The following ANK3 variants were observed in gnomAD, a reference collection of about 807,000 sequenced individuals.
ANK3 encodes ankyrin 3, also known as ankyrin-3.
In ANK3, 57 loss-of-function variants were observed where a neutral mutation model predicts 370.9. The observed-to-expected ratio is 0.15, with a 90% CI of 0.12 to 0.19. The LOEUF is 0.19. Ranked by LOEUF, ANK3 falls within the 10% of genes least tolerant of loss-of-function variation. ANK3 has a pLI of 1.00. For synonymous variants in ANK3, 1,929 were observed against 1,946.3 expected (o/e 0.99, Z 0.23); for missense variants, 4,439 against 5,302.1 (o/e 0.84, Z 5.06).
At chr10:60,689,073 A>G (rs80331624) in intron 1 of ANK3, among the ~76,000 whole-genome samples, 1,643 of 152,362 alleles carry the variant, frequency 0.011, 28 homozygotes, top group African/African-American at 0.037. Context: ...GAAACAAATA[A>G]AATGTTTGTC....
At chr10:60,158,685 C>CTTTTCTTTTTTTT (rs1555028776) in intron 23 of ANK3, among the ~76,000 whole-genome samples, 5 of 132,754 alleles carry the variant, frequency 3.8e-5, no homozygotes, top group Admixed American at 2.4e-4. Flanking sequence ...CACTTTTTTT[C>CTTTTCTTTTTTTT]TTTTTTTTGA....
chr10:60,520,990 C>T (rs2076333880), intron 2 of ANK3, among the ~76,000 whole-genome samples: 2 of 151,742 alleles, frequency 1.3e-5, no homozygotes, highest in Non-Finnish European at 2.9e-5. Context: ...ATCTTGAGTA[C>T]TGTTTCAGCA....
At chr10:60,352,441 C>T (rs1325305057) in intron 1 of ANK3, among the ~76,000 whole-genome samples, 1 of 152,170 alleles carries the variant, frequency 6.6e-6, no homozygotes, top group African/African-American at 2.4e-5. Context: ...ATGGGACTGG[C>T]TAAAGTAAGA....
At chr10:60,601,415 CTTG>C (rs1418383297) in intron 2 of ANK3, among the ~76,000 whole-genome samples, 2 of 152,020 alleles carry the variant, frequency 1.3e-5, no homozygotes, top group African/African-American at 4.8e-5. Context: ...AGCAGATAAT[CTTG>C]TTATTAGTGA....
At chr10:60,288,810 T>C (rs1443730731) in intron 1 of ANK3, among the ~76,000 whole-genome samples, 1 of 151,698 alleles carries the variant, frequency 6.6e-6, no homozygotes, top group Non-Finnish European at 1.5e-5. Context: ...CAGATTTGAG[T>C]GTGGGAGAAA....
chr10:60,635,886 A>T (rs2078548618), intron 1 of ANK3, among the ~76,000 whole-genome samples: 2 of 152,178 alleles, frequency 1.3e-5, no homozygotes, highest in South Asian at 4.1e-4. Flanking sequence ...GGATGTCCAC[A>T]AGCAGGACAA....
Position 60,222,422 on chromosome 10 carries a change from T to TTA in ANK3, c.898-8913_898-8912insTA, listed in dbSNP as rs1555163075. ...TTTAATGATTCACACTTAATTCAGT[T>TTA]AAAAAAAAAAAAAAGAGGAGGAAAA... On this transcript the variant is annotated intron_variant, in intron 8 of 43. Transcript: ENST00000280772. Among the ~76,000 whole-genome samples, 13 of 144,840 alleles carry TTA rather than the reference T, an allele frequency of 9.0e-5. No homozygotes were observed. The East Asian group carries it at 1.6e-3, about 18-fold the overall frequency.
intron 1 of ANK3, among the ~76,000 whole-genome samples, chr10:60,645,094 G>C (rs2078693148): frequency 6.6e-6 from 1 of 151,996 alleles, no homozygotes; most frequent in African/African-American, 2.4e-5. Flanking sequence ...GGAAATGTGG[G>C]TTAGGATGTA....
At chr10:60,392,264 T>G (rs7082025), upstream of ANK3, among the ~76,000 whole-genome samples, 14,437 of 152,248 alleles carry the variant, frequency 0.095, 835 homozygotes, top group South Asian at 0.15. Context: ...ATAGCTGAAA[T>G]GAAAACATTA....
At chr10:60,112,693 A>G (rs978520991) in intron 26 of ANK3, among the ~76,000 whole-genome samples, 7 of 152,214 alleles carry the variant, frequency 4.6e-5, no homozygotes, top group African/African-American at 1.7e-4. Flanking sequence ...GTATCATTAT[A>G]AGGTTCAAGT....
intron 2 of ANK3, among the ~76,000 whole-genome samples, chr10:60,499,628 G>T (rs2075746796): frequency 6.6e-6 from 1 of 152,158 alleles, no homozygotes; most frequent in South Asian, 2.1e-4. Flanking sequence ...TAACATGGGT[G>T]CATCTTCCCA....
intron 2 of ANK3, among the ~76,000 whole-genome samples, chr10:60,512,673 G>A (rs879644834): frequency 1.3e-5 from 2 of 151,992 alleles, no homozygotes; most frequent in Non-Finnish European, 2.9e-5. Flanking sequence ...ATGGCAATCT[G>A]GAAAAATTGT....
intron 2 of ANK3, among the ~76,000 whole-genome samples, chr10:60,533,394 C>G (rs955600972): frequency 6.6e-6 from 1 of 152,122 alleles, no homozygotes; most frequent in African/African-American, 2.4e-5. Context: ...TCCAGAGCAG[C>G]TGAAGAAGTG....
At chr10:60,244,825 C>T (rs2132577281) in intron 7 of ANK3, among the ~76,000 whole-genome samples, 1 of 152,296 alleles carries the variant, frequency 6.6e-6, no homozygotes, top group East Asian at 1.9e-4. Flanking sequence ...GCTAACTCTC[C>T]AGCACATAAA....
At chr10:60,343,701 A>G (rs756777765) in intron 1 of ANK3, among the ~76,000 whole-genome samples, 52 of 152,208 alleles carry the variant, frequency 3.4e-4, no homozygotes, top group Non-Finnish European at 6.2e-4. Flanking sequence ...GATTTTATGT[A>G]TTAAGCAGTC....
At chr10:60,671,772 T>C (rs1204448273) in intron 1 of ANK3, among the ~76,000 whole-genome samples, 3 of 152,204 alleles carry the variant, frequency 2.0e-5, no homozygotes, top group Non-Finnish European at 2.9e-5. Context: ...AGCAGCCATG[T>C]TGTGAGGATG....
chr10:60,567,342 T>C (rs772134167), intron 2 of ANK3, among the ~76,000 whole-genome samples: 1 of 152,182 alleles, frequency 6.6e-6, no homozygotes, highest in African/African-American at 2.4e-5. Flanking sequence ...TTAAGAATTA[T>C]GCTAAATCTA....
At chr10:60,405,208 A>G (rs906072209) in intron 2 of ANK3, among the ~76,000 whole-genome samples, 7 of 152,178 alleles carry the variant, frequency 4.6e-5, no homozygotes, top group Non-Finnish European at 8.8e-5. Flanking sequence ...CATATGCCCA[A>G]AAACACTTCT....
intron 2 of ANK3, among the ~76,000 whole-genome samples, chr10:60,527,272 C>T (rs1032030024): frequency 6.6e-6 from 1 of 152,102 alleles, no homozygotes; most frequent in African/African-American, 2.4e-5. Context: ...GCCTAACATT[C>T]ATCAGTTGCT....
Sources: allele counts gnomAD v4.1 joint callset (sites outside exome capture counted in the v4.1 genomes callset), GRCh38; gene constraint gnomAD v4.1.1; transcripts MANE v1.5; gene names NCBI Gene and HGNC (gene_info 2026-07-23, HGNC 2026-07-21).